Variants in RPP14 observed in about 807,000 individuals in gnomAD.
RPP14 encodes the protein ribonuclease P/MRP subunit p14, also known as ribonuclease P protein subunit p14.
RPP14 carries 19 observed loss-of-function variants against 17.8 expected under a neutral mutation model. The ratio of observed to expected loss-of-function variants is 1.07; its 90% CI spans 0.74 to 1.57. RPP14 has a LOEUF of 1.57. Ranked by LOEUF, RPP14 falls within the 40% of genes most tolerant of loss-of-function variation. The pLI, the probability that RPP14 is intolerant of heterozygous loss-of-function variation, is 0.00. For missense variants in RPP14, 125 were observed against 140.8 expected, an observed-to-expected ratio of 0.89 and a Z score of 0.57; for synonymous variants, 60 against 56.4, an observed-to-expected ratio of 1.06 and a Z score of -0.29.
intron 1 of RPP14, among the ~76,000 whole-genome samples, chr3:58,308,284 TTTTG>T (rs995459138): frequency 1.5e-4 from 23 of 152,158 alleles, no homozygotes; most frequent in Admixed American, 1.4e-3. Context: ...TTACAGTATT[TTTTG>T]TTTGTTTGTT....
chr3:58,312,203 A>G (rs2097482967), intron 3 of RPP14, among the ~76,000 whole-genome samples: 1 of 152,202 alleles, frequency 6.6e-6, no homozygotes, highest in Non-Finnish European at 1.5e-5. Context: ...CAGTGGTTGT[A>G]CATTTACATT....
At chr3:58,317,082 T>C in intron 5 of RPP14, 89 bp downstream of exon 5, 2 of 921,828 alleles carry the variant, frequency 2.2e-6, no homozygotes, top group Non-Finnish European at 3.5e-6. Flanking sequence ...TGTGCTTGCA[T>C]AAATGTAATA....
intron 3 of RPP14, among the ~76,000 whole-genome samples, chr3:58,315,073 A>G (rs907024422): frequency 1.9e-4 from 29 of 152,162 alleles, no homozygotes; most frequent in African/African-American, 7.0e-4. Context: ...CTGAAAACTT[A>G]AGTTCACACA....
Position 58,310,345 on chromosome 3 carries a change from G to A in RPP14, c.16G>A (p.Ala6Thr). MPAPA[A>T]TYERVVYKNP... is the part of the protein sequence containing the mutation. ...ACTGGAAAAGATGCCTGCCCCTGCT[G>A]CCACATATGAAAGAGTAGTTTACAA... is the stretch of plus-strand genomic sequence containing the variant. Residue 6 changes from alanine (A) to threonine (T), a missense_variant, in exon 2 of 6, where the codon GCC (alanine) becomes ACC (threonine). Coordinates refer to ENST00000295959, the MANE Select transcript of RPP14 (RefSeq NM_007042.6). The A allele has an allele frequency of 6.2e-7, 1 of 1,614,132 alleles. No individual in the cohort carries two copies. Among genetic ancestry groups the A allele is most frequent in the Non-Finnish European group, 8.5e-7 (1 of 1,180,002 alleles).
At position 58,318,118 on chromosome 3, in the gene RPP14, T is replaced by C; in HGVS notation, c.*622T>C. Reference sequence around the variant, plus strand: ...TATGGTTCCAGAAGCTTCCAAATCCTGAAATAGATGTTTTAAAGATGCAAC... The same window carrying C: ...TATGGTTCCAGAAGCTTCCAAATCCCGAAATAGATGTTTTAAAGATGCAAC... On this transcript the variant is annotated 3_prime_UTR_variant, in exon 6 of 6. Transcript: ENST00000295959. The C allele has an allele frequency of 1.6e-6, 1 of 636,128 alleles. No homozygotes were observed. The allele number at this position is 636,128 out of a possible 1,614,324, so 39.4% of individuals were successfully genotyped here.
At position 58,319,260 on chromosome 3, in the gene RPP14, T is replaced by A. The variant is rs1365135097; in HGVS notation, c.*1764T>A. The stretch of plus-strand genomic sequence containing the variant: ...AGGTGGCATCTTAGTCTACCTTCAG[T>A]GAGACTTGCGTTTCAGGGGAGGGGC... On this transcript the variant is annotated 3_prime_UTR_variant, in exon 6 of 6. Coordinates refer to ENST00000295959, the MANE Select transcript of RPP14 (RefSeq NM_007042.6). 1 of 152,234 alleles carries A rather than the reference T, an allele frequency of 6.6e-6. No individual in the cohort carries two copies. Among genetic ancestry groups the A allele is most frequent in the African/African-American group, 2.4e-5 (1 of 41,468 alleles). 9.4% of individuals were successfully genotyped at this position (152,234 alleles called of 1,614,324 possible).
intron 3 of RPP14, among the ~76,000 whole-genome samples, chr3:58,315,427 T>C (rs1575547362): frequency 6.6e-6 from 1 of 152,256 alleles, no homozygotes; most frequent in East Asian, 1.9e-4. Context: ...TAAGGGAGTC[T>C]TATGATGGTA....
At position 58,319,832 on chromosome 3, in the gene RPP14, A is replaced by G. The variant is rs1449553570; in HGVS notation, c.*2336A>G. On this transcript the variant is annotated 3_prime_UTR_variant, in exon 6 of 6. Coordinates refer to ENST00000295959, the MANE Select transcript of RPP14 (RefSeq NM_007042.6). ...TCCCGTTTTTTAATAAAATTGAGAT[A>G]TAATTCACATACCATAAAATTCACC... 1.3e-5 allele frequency: 2 copies of G among 152,134 alleles called. No homozygotes were observed. The highest frequency in any genetic ancestry group is 2.9e-5 in the Non-Finnish European group (2 of 68,024). The allele number at this position is 152,134 out of a possible 1,614,324, so 9.4% of individuals were successfully genotyped here.
intron 1 of RPP14, among the ~76,000 whole-genome samples, chr3:58,307,063 C>T (rs936638764): frequency 3.3e-5 from 5 of 152,106 alleles, no homozygotes; most frequent in Admixed American, 1.3e-4. Context: ...AGATCTTTCC[C>T]AGCATGGGGA....
chr3:58,306,894 T>C (rs1053767907), intron 1 of RPP14, among the ~76,000 whole-genome samples: 6 of 152,028 alleles, frequency 3.9e-5, no homozygotes, highest in African/African-American at 1.5e-4. Context: ...AGTTACATAA[T>C]TGTCATAGAA....
chr3:58,314,735 A>C (rs1018149454), intron 3 of RPP14, among the ~76,000 whole-genome samples: 1 of 120,268 alleles, frequency 8.3e-6, no homozygotes, highest in African/African-American at 3.3e-5. Context: ...ACCGGGCTGG[A>C]GTGCAGTGGC....
chr3:58,314,875 C>T (rs554158421), intron 3 of RPP14, among the ~76,000 whole-genome samples: 116 of 151,864 alleles, frequency 7.6e-4, no homozygotes, highest in African/African-American at 1.5e-3. Flanking sequence ...TTAGTGGAGA[C>T]GGGGTTTCAC....
chr3:58,311,212 T>C (rs2097481891), intron 3 of RPP14, among the ~76,000 whole-genome samples: 1 of 152,188 alleles, frequency 6.6e-6, no homozygotes, highest in African/African-American at 2.4e-5. Flanking sequence ...TGGAGTGCAA[T>C]GGCACATTCT....
intron 3 of RPP14, chr3:58,315,902 C>G (rs1329665115): frequency 6.6e-6 from 1 of 152,158 alleles, no homozygotes; most frequent in Non-Finnish European, 1.5e-5. Flanking sequence ...TCTCAAACTC[C>G]CAACCTCAGG....
chr3:58,317,437 T>C lies in RPP14; in HGVS notation c.319-3T>C. ...TGCCTTAACCTTTTTCTTTCTCTTCTAGGTTTCTCCATTTCTTCTTGCATT... is the reference window on the plus strand; with the variant it reads ...TGCCTTAACCTTTTTCTTTCTCTTCCAGGTTTCTCCATTTCTTCTTGCATT... On this transcript the variant is annotated splice_polypyrimidine_tract_variant and splice_region_variant and intron_variant, in intron 5 of 5. Transcript: ENST00000295959. 1 of 1,589,582 alleles carries C rather than the reference T, an allele frequency of 6.3e-7. No homozygotes were observed. The highest frequency in any genetic ancestry group is 1.1e-5 in the South Asian group (1 of 90,340).
chr3:58,315,271 A>C (rs2097487070), intron 3 of RPP14, among the ~76,000 whole-genome samples: 1 of 152,158 alleles, frequency 6.6e-6, no homozygotes, highest in African/African-American at 2.4e-5. Flanking sequence ...TGCTGAGCGA[A>C]AAAAAGCCAA....
chr3:58,311,051 T>C (rs558851615), intron 3 of RPP14, among the ~76,000 whole-genome samples: 3 of 152,322 alleles, frequency 2.0e-5, no homozygotes, highest in African/African-American at 7.2e-5. Flanking sequence ...TATTCCTTTT[T>C]TTCCTCCTTC....
At chr3:58,315,760 T>G (rs1409367888) in intron 3 of RPP14, 1 of 152,376 alleles carries the variant, frequency 6.6e-6, no homozygotes, top group Non-Finnish European at 1.5e-5. Context: ...CACCGCACCC[T>G]CCGCCTCCCA....
intron 1 of RPP14, among the ~76,000 whole-genome samples, chr3:58,308,260 T>G (rs1272530469): frequency 6.6e-6 from 1 of 152,024 alleles, no homozygotes; most frequent in Non-Finnish European, 1.5e-5. Context: ...GAATACCTAC[T>G]TTGTGTCATA....
Sources: allele counts gnomAD v4.1 joint callset (sites outside exome capture counted in the v4.1 genomes callset), GRCh38; gene constraint gnomAD v4.1.1; transcripts MANE v1.5; gene names NCBI Gene and HGNC (gene_info 2026-07-23, HGNC 2026-07-21).